DCP2: variants seen among roughly 807,000 people sequenced by gnomAD.
DCP2 encodes the protein m7GpppN-mRNA hydrolase.
A neutral mutation model predicts 56.1 loss-of-function variants in DCP2; 30 were observed. The observed-to-expected ratio is 0.53, with a 90% confidence interval of 0.40 to 0.73. The LOEUF is 0.73. Among genes scored for constraint, DCP2 ranks in the 30% least tolerant of loss-of-function variants. DCP2 has a pLI of 0.00. For missense variants in DCP2, 533 were observed against 502.7 expected, an observed-to-expected ratio of 1.06 and a Z score of -0.58; for synonymous variants, 197 against 163.3, an observed-to-expected ratio of 1.21 and a Z score of -1.57.
intron 4 of DCP2, among the ~76,000 whole-genome samples, chr5:112,997,121 C>T (rs544563895): frequency 3.9e-5 from 6 of 152,302 alleles, no homozygotes; most frequent in African/African-American, 1.4e-4. Context: ...CTCCACATAT[C>T]TTGAAGGTTA....
At position 113,016,197 on chromosome 5, in the gene DCP2, AC is replaced by A. The variant is rs1749878890; in HGVS notation, c.*2714del. ...AATCCAAAAGATAAGGGTGTGGTTT[AC>A]ATGCTTTTCAAAAATTTTTGTTAAG... On this transcript the variant is annotated 3_prime_UTR_variant, in exon 11 of 11. Coordinates refer to ENST00000389063, the MANE Select transcript of DCP2 (RefSeq NM_152624.6). 6.6e-6 allele frequency: 1 copy of A among 152,612 alleles called. No homozygotes were observed. Among genetic ancestry groups the A allele is most frequent in the South Asian group, 2.1e-4 (1 of 4,836 alleles). The allele number at this position is 152,612 out of a possible 1,614,324, so 9.5% of individuals were successfully genotyped here.
intron 4 of DCP2, among the ~76,000 whole-genome samples, chr5:112,995,963 A>G (rs992122892): frequency 3.3e-5 from 5 of 152,192 alleles, no homozygotes; most frequent in Non-Finnish European, 4.4e-5. Flanking sequence ...ACATGCAGAG[A>G]GAGATCTGGT....
chr5:112,983,014 A>C (rs1465651530), intron 1 of DCP2, among the ~76,000 whole-genome samples: 1 of 152,210 alleles, frequency 6.6e-6, no homozygotes, highest in Non-Finnish European at 1.5e-5. Flanking sequence ...GCAGACTTTA[A>C]AGGATAAAGG....
In DCP2 at chr5:113,001,356, G is replaced by A; in HGVS notation, c.586-1G>A. 6.2e-7 allele frequency: 1 copy of A among 1,606,524 alleles called. No homozygotes were observed. Among genetic ancestry groups the A allele is most frequent in the Non-Finnish European group, 8.5e-7 (1 of 1,177,818 alleles). ...ATGAATTATTTTCTTCTGTGTTTCA[G>A]AACATTGAGTGGTTCTCTATTGAGA... On this transcript the variant is annotated splice_acceptor_variant, in intron 5 of 10. Coordinates refer to ENST00000389063, the MANE Select transcript of DCP2 (RefSeq NM_152624.6). LOFTEE classifies it high-confidence loss of function.
chr5:112,976,916 C>G lies in DCP2; in HGVS notation c.-18C>G. ...CGCGCGGAGCCGGGATGCACTGTTC[C>G]TGCTGTGGGTCCTCATCATGGAGAC... is the stretch of plus-strand genomic sequence containing the variant. On this transcript the variant is annotated 5_prime_UTR_variant, in exon 1 of 11. Transcript: ENST00000389063. 1 of 1,613,690 alleles carries G rather than the reference C, an allele frequency of 6.2e-7. No individual in the cohort carries two copies. Among genetic ancestry groups the G allele is most frequent in the Non-Finnish European group, 8.5e-7 (1 of 1,179,642 alleles).
chr5:113,008,061 A>G lies in DCP2; in HGVS notation c.1047+19A>G. On this transcript the variant is annotated intron_variant, in intron 9 of 10. Transcript: ENST00000389063. The stretch of plus-strand genomic sequence containing the variant: ...TTTGATGGTAAGAGTTATAGCTGTC[A>G]CACTAAGTAGGCAGTTCATCCTCTG... 1.3e-6 allele frequency: 2 copies of G among 1,596,422 alleles called. No homozygotes were observed. Among genetic ancestry groups the G allele is most frequent in the African/African-American group, 1.3e-5 (1 of 74,586 alleles).
rs1005555894 is a variant in DCP2, at chr5:113,022,054, G to C, written c.*8570G>C. On this transcript the variant is annotated 3_prime_UTR_variant, in exon 11 of 11. Transcript: ENST00000389063. ...GATATTTGCCTGCATGTATATCACA[G>C]TTCTACAGAAGGATAGCCTTACCCT... is the stretch of plus-strand genomic sequence containing the variant. The C allele has an allele frequency of 6.6e-6, 1 of 152,170 alleles. No individual in the cohort carries two copies. Among genetic ancestry groups the C allele is most frequent in the African/African-American group, 2.4e-5 (1 of 41,418 alleles). The allele number at this position is 152,170 out of a possible 1,614,324, so 9.4% of individuals were successfully genotyped here.
Position 113,016,690 on chromosome 5 carries a change from T to TGCATTA in DCP2, c.*3207_*3212dup, listed in dbSNP as rs1279271953. On this transcript the variant is annotated 3_prime_UTR_variant, in exon 11 of 11. Coordinates refer to ENST00000389063, the MANE Select transcript of DCP2 (RefSeq NM_152624.6). The stretch of plus-strand genomic sequence containing the variant: ...AAAAGTTAAGGTCTGAGTGCATGTG[T>TGCATTA]GCATTAAAAACATTTCACTACCTAT... 3 of 152,198 alleles carry TGCATTA rather than the reference T, an allele frequency of 2.0e-5. No homozygotes were observed. The highest frequency in any genetic ancestry group is 4.4e-5 in the Non-Finnish European group (3 of 68,036). The allele number at this position is 152,198 out of a possible 1,614,324, so 9.4% of individuals were successfully genotyped here.
intron 2 of DCP2, among the ~76,000 whole-genome samples, chr5:112,987,447 T>A (rs1297005282): frequency 6.6e-6 from 1 of 151,992 alleles, no homozygotes; most frequent in Admixed American, 6.5e-5. Flanking sequence ...CTTTGATTTT[T>A]ATTCCCCCCG....
Position 112,986,842 on chromosome 5 carries a change from G to A in DCP2, c.205+856G>A, listed in dbSNP as rs146747334. Among the ~76,000 whole-genome samples the A allele has an allele frequency of 3.3e-5, 5 of 152,090 alleles. No homozygotes were observed. The South Asian group carries it at 1.0e-3, about 32-fold the overall frequency. On this transcript the variant is annotated intron_variant, in intron 2 of 10. Transcript: ENST00000389063. Reference sequence around the variant, plus strand: ...TGGCGAAACCTCATCTCTACCAAAAGTACAAAAACAGTTACCTGGGCATGG... The same window carrying A: ...TGGCGAAACCTCATCTCTACCAAAAATACAAAAACAGTTACCTGGGCATGG...
intron 9 of DCP2, 142 bp downstream of exon 9, chr5:113,008,184 T>G: frequency 1.6e-6 from 1 of 619,620 alleles, no homozygotes; most frequent in South Asian, 2.7e-5. Flanking sequence ...AGCTGACTTG[T>G]GCACTATTCA....
At chr5:112,979,582 T>C (rs543794350) in intron 1 of DCP2, among the ~76,000 whole-genome samples, 2 of 152,322 alleles carry the variant, frequency 1.3e-5, no homozygotes, top group East Asian at 3.9e-4. Flanking sequence ...TATAGGAAGT[T>C]TTCTTTTGTG....
rs1232437079 is a variant in DCP2, at chr5:113,016,951, C to G, written c.*3467C>G. On this transcript the variant is annotated 3_prime_UTR_variant, in exon 11 of 11. Transcript: ENST00000389063. ...ACGCCTCCCGGGTTCAAGTGATTCT[C>G]CTGCCTCAGCCTCCCAAGTAGCTGG... 1 of 149,156 alleles carries G rather than the reference C, an allele frequency of 6.7e-6. No individual in the cohort carries two copies. The highest frequency in any genetic ancestry group is 1.5e-5 in the Non-Finnish European group (1 of 67,830). The allele number at this position is 149,156 out of a possible 1,614,324, so 9.2% of individuals were successfully genotyped here.
In DCP2 at chr5:112,991,258, A is replaced by G. The variant is rs56835284; in HGVS notation, c.206-863A>G. On this transcript the variant is annotated intron_variant, in intron 2 of 10. Transcript: ENST00000389063. ...TTTATTGAAGAATTGAGAACCCTTA[A>G]AAGTATGACCTCATTTTGAGAGATA... 5.6e-3 allele frequency among the ~76,000 whole-genome samples: 846 copies of G among 152,322 alleles called. 4 individuals carry two copies. The highest frequency in any genetic ancestry group is 0.019 in the African/African-American group (798 of 41,572).
rs540662605 is a variant in DCP2 at position 113,002,952 on chromosome 5, T to C, written c.807-990T>C. On this transcript the variant is annotated intron_variant, in intron 7 of 10. Coordinates refer to ENST00000389063, the MANE Select transcript of DCP2 (RefSeq NM_152624.6). ...TAATCACCTTGTTTACAAAGTTGCC[T>C]ATGTTAGAGAGAGTTGATTTTTACA... 3.2e-4 allele frequency among the ~76,000 whole-genome samples: 49 copies of C among 152,364 alleles called. 1 individual carries two copies. The highest frequency in any genetic ancestry group is 2.0e-3 in the Admixed American group (31 of 15,308).
At position 113,016,823 on chromosome 5, in the gene DCP2, C is replaced by G. The variant is rs941166383; in HGVS notation, c.*3339C>G. 6.7e-6 allele frequency: 1 copy of G among 149,832 alleles called. No individual in the cohort carries two copies. The highest frequency in any genetic ancestry group is 1.5e-5 in the Non-Finnish European group (1 of 67,764). 9.3% of individuals were successfully genotyped at this position (149,832 alleles called of 1,614,324 possible). On this transcript the variant is annotated 3_prime_UTR_variant, in exon 11 of 11. Coordinates refer to ENST00000389063, the MANE Select transcript of DCP2 (RefSeq NM_152624.6). ...ACATTTTGCCAAGTTAGTTTTCTTA[C>G]CACAATACCCTCTTGGCTTTTTTTT...
chr5:112,984,165 C>CT (rs1225475873), intron 1 of DCP2: 1 of 151,896 alleles, frequency 6.6e-6, no homozygotes, highest in African/African-American at 2.4e-5. Flanking sequence ...GATCAGAAGA[C>CT]TAGAAGTCTT....
intron 2 of DCP2, among the ~76,000 whole-genome samples, chr5:112,991,644 GAT>G (rs1400973265): frequency 6.6e-6 from 1 of 152,088 alleles, no homozygotes; most frequent in Non-Finnish European, 1.5e-5. Flanking sequence ...TTTCTGATGT[GAT>G]AGTTTCTTTC....
rs1489933171 is a variant in DCP2, at chr5:113,013,560, C to G, written c.*76C>G. 2 of 1,521,876 alleles carry G rather than the reference C, an allele frequency of 1.3e-6. No homozygotes were observed. Among genetic ancestry groups the G allele is most frequent in the Admixed American group, 1.9e-5 (1 of 51,830 alleles). The allele number at this position is 1,521,876 out of a possible 1,614,324, so 94.3% of individuals were successfully genotyped here. A position where few individuals can be genotyped will look rare whatever the true frequency, so the allele number is the denominator to read the frequency against. ...GAGTGGGTGTCTCCTCAAGCCTTAC[C>G]TTTCTCAGGTGTTTTAAAGAAATGC... On this transcript the variant is annotated 3_prime_UTR_variant, in exon 11 of 11. Transcript: ENST00000389063.
Sources: allele counts gnomAD v4.1 joint callset (sites outside exome capture counted in the v4.1 genomes callset), GRCh38; gene constraint gnomAD v4.1.1; transcripts MANE v1.5; gene names NCBI Gene and HGNC (gene_info 2026-07-23, HGNC 2026-07-21).